Variants in PARP8 observed in about 807,000 individuals in gnomAD.
PARP8 encodes the protein protein mono-ADP-ribosyltransferase PARP8.
In PARP8, 51 loss-of-function variants were observed where a neutral mutation model predicts 124.1. That is an observed-to-expected ratio of 0.41 (90% CI 0.33 to 0.52). The LOEUF is 0.52. Among genes scored for constraint, PARP8 ranks in the 20% least tolerant of loss-of-function variants. The pLI, the probability that PARP8 is intolerant of heterozygous loss-of-function variation, is 0.21. For missense variants in PARP8, 860 were observed against 1,018.9 expected (o/e 0.84, Z 2.12); for synonymous variants, 391 against 361.5 (o/e 1.08, Z -0.93).
chr5:50,697,549 A>T (rs1753164763), intron 2 of PARP8, among the ~76,000 whole-genome samples: 2 of 152,212 alleles, frequency 1.3e-5, no homozygotes, highest in Admixed American at 6.5e-5. Context: ...TTGCTCTGTC[A>T]TCCAGGCAGG....
chr5:50,822,769 C>A (rs542385627), intron 17 of PARP8, among the ~76,000 whole-genome samples: 1 of 152,206 alleles, frequency 6.6e-6, no homozygotes, highest in Non-Finnish European at 1.5e-5. Context: ...CAGAAATGTT[C>A]TTTAAAATGG....
At chr5:50,792,324 A>G (rs1430982482) in intron 10 of PARP8, among the ~76,000 whole-genome samples, 3 of 152,194 alleles carry the variant, frequency 2.0e-5, no homozygotes, top group Admixed American at 1.3e-4. Context: ...ATTAAACACA[A>G]CATTGAATGT....
intron 2 of PARP8, among the ~76,000 whole-genome samples, chr5:50,706,916 C>T (rs1253547052): frequency 6.6e-6 from 1 of 152,016 alleles, no homozygotes; most frequent in Admixed American, 6.6e-5. Context: ...ATGATGCTAG[C>T]ATACAGTGAT....
intron 2 of PARP8, among the ~76,000 whole-genome samples, chr5:50,687,244 G>A (rs939865073): frequency 1.3e-5 from 2 of 152,078 alleles, no homozygotes; most frequent in Admixed American, 1.3e-4. Flanking sequence ...AAATCTTTAG[G>A]GCAGGGGCAA....
At position 50,845,113 on chromosome 5, in the gene PARP8, TTTAAG is replaced by T. The variant is rs1301602515; in HGVS notation, c.*3048_*3052del. ...TGCTCTGAATGTTTTTCTTTGAAAATTTAAGTTTAGAGAAGAAATTCCTTCATTTT... is the reference window on the plus strand; with the variant it reads ...TGCTCTGAATGTTTTTCTTTGAAAATTTTAGAGAAGAAATTCCTTCATTTT... On this transcript the variant is annotated 3_prime_UTR_variant, in exon 26 of 26. Coordinates refer to ENST00000281631, the MANE Select transcript of PARP8 (RefSeq NM_024615.4). 2.6e-5 allele frequency: 4 copies of T among 151,614 alleles called. No individual in the cohort carries two copies. Among genetic ancestry groups the T allele is most frequent in the Non-Finnish European group, 5.9e-5 (4 of 67,728 alleles). 9.4% of individuals were successfully genotyped at this position (151,614 alleles called of 1,614,324 possible). A position where few individuals can be genotyped will look rare whatever the true frequency, so the allele number is the denominator to read the frequency against.
intron 2 of PARP8, among the ~76,000 whole-genome samples, chr5:50,678,643 A>C (rs1483897645): frequency 2.6e-5 from 4 of 152,300 alleles, no homozygotes; most frequent in African/African-American, 7.2e-5. Flanking sequence ...GATTAAACTG[A>C]TATTTTGTGG....
At chr5:50,665,942 T>G (rs1443317465), upstream of PARP8, 1 of 152,270 alleles carries the variant, frequency 6.6e-6, no homozygotes. Flanking sequence ...TAGCTTTCCC[T>G]TGACTGTCAA....
At position 50,794,982 on chromosome 5, in the gene PARP8, G is replaced by A; in HGVS notation, c.993G>A (p.Val331=). The change falls in exon 12 of 26, where the codon GTG becomes GTA. Residue 331 remains valine (V), a synonymous_variant. Coordinates refer to ENST00000281631, the MANE Select transcript of PARP8 (RefSeq NM_024615.4). ...TCSSTVKTDD[V]CVTKSHRTFG... is the part of the protein sequence containing the mutation. ...CCAGCACAGTCAAGACTGATGATGT[G>A]TGTGTCACAAAGTCACACAGGACCT... The A allele has an allele frequency of 6.2e-7, 1 of 1,614,220 alleles. No individual in the cohort carries two copies. The highest frequency in any genetic ancestry group is 8.5e-7 in the Non-Finnish European group (1 of 1,180,030).
intron 3 of PARP8, among the ~76,000 whole-genome samples, chr5:50,754,180 CATATAT>C (rs55915893): frequency 3.0e-4 from 15 of 50,318 alleles, no homozygotes; most frequent in African/African-American, 5.0e-4. Flanking sequence ...CACACACACA[CATATAT>C]ATATATTTTA....
chr5:50,739,215 T>C (rs1419889932), intron 2 of PARP8: 1 of 599,046 alleles, frequency 1.7e-6, no homozygotes, highest in Non-Finnish European at 3.1e-6. Flanking sequence ...GTTATCCTGA[T>C]GGCTTATCCA....
chr5:50,777,533 A>G (rs566199756), intron 7 of PARP8, among the ~76,000 whole-genome samples: 46 of 151,632 alleles, frequency 3.0e-4, no homozygotes, highest in Admixed American at 1.2e-3. Flanking sequence ...AGAATATACT[A>G]CAGTTCCTTT....
At chr5:50,784,129 G>T (rs1431780829) in intron 9 of PARP8, among the ~76,000 whole-genome samples, 2 of 152,096 alleles carry the variant, frequency 1.3e-5, no homozygotes, top group African/African-American at 4.8e-5. Flanking sequence ...AAAATGTATG[G>T]CTAATTCAAG....
rs1317289836 is a variant in PARP8 at position 50,842,815 on chromosome 5, A to G, written c.*747A>G. The G allele has an allele frequency of 6.6e-6, 1 of 151,718 alleles. No homozygotes were observed. The highest frequency in any genetic ancestry group is 1.5e-5 in the Non-Finnish European group (1 of 67,790). The allele number at this position is 151,718 out of a possible 1,614,324, so 9.4% of individuals were successfully genotyped here. On this transcript the variant is annotated 3_prime_UTR_variant, in exon 26 of 26. Coordinates refer to ENST00000281631, the MANE Select transcript of PARP8 (RefSeq NM_024615.4). ...GAGCCAGATTTACCACCATTCATTC[A>G]CTGAAAATATTTGCAGACAATTTTT...
intron 3 of PARP8, among the ~76,000 whole-genome samples, chr5:50,759,430 A>T (rs1467593593): frequency 6.6e-6 from 1 of 152,178 alleles, no homozygotes; most frequent in African/African-American, 2.4e-5. Context: ...TTTCACCAGG[A>T]GATACAAATG....
chr5:50,764,651 G>C (rs1331801256), intron 7 of PARP8, among the ~76,000 whole-genome samples: 1 of 152,160 alleles, frequency 6.6e-6, no homozygotes, highest in Non-Finnish European at 1.5e-5. Context: ...TCTCTTTGCA[G>C]ACTTCAAAGT....
intron 7 of PARP8, among the ~76,000 whole-genome samples, chr5:50,769,735 A>ACAG (rs1761415702): frequency 6.6e-6 from 1 of 151,866 alleles, no homozygotes; most frequent in South Asian, 2.1e-4. Flanking sequence ...AAGTGAAAGA[A>ACAG]CAGAACCACA....
chr5:50,798,239 T>A (rs1230021829), intron 14 of PARP8, among the ~76,000 whole-genome samples: 1 of 152,194 alleles, frequency 6.6e-6, no homozygotes, highest in Non-Finnish European at 1.5e-5. Flanking sequence ...ATATGTTAAC[T>A]CTGTTTAACT....
chr5:50,776,299 G>C (rs979123284), intron 7 of PARP8, among the ~76,000 whole-genome samples: 1 of 152,058 alleles, frequency 6.6e-6, no homozygotes, highest in African/African-American at 2.4e-5. Flanking sequence ...CTAGTATTTT[G>C]TTGAGGATAT....
At chr5:50,713,168 A>G (rs1754949748) in intron 2 of PARP8, among the ~76,000 whole-genome samples, 1 of 152,118 alleles carries the variant, frequency 6.6e-6, no homozygotes, top group Non-Finnish European at 1.5e-5. Flanking sequence ...GTGATGTTTC[A>G]ATAAGTTAAT....
Sources: allele counts gnomAD v4.1 joint callset (sites outside exome capture counted in the v4.1 genomes callset), GRCh38; gene constraint gnomAD v4.1.1; transcripts MANE v1.5; gene names NCBI Gene and HGNC (gene_info 2026-07-23, HGNC 2026-07-21).